MET: variants seen among roughly 807,000 people sequenced by gnomAD.
MET encodes hepatocyte growth factor receptor.
In MET, 48 loss-of-function variants were observed where a neutral mutation model predicts 133.1. That is an observed-to-expected ratio of 0.36 (90% CI 0.29 to 0.46). The LOEUF is 0.46. MET is among the 20% of genes least tolerant of loss of function. The pLI is 1.00. For synonymous variants in MET, 628 were observed against 616.5 expected (o/e 1.02, Z -0.28); for missense variants, 1,442 against 1,695.9 (o/e 0.85, Z 2.63).
chr7:116,718,596 C>A (rs1428744596), intron 2 of MET, among the ~76,000 whole-genome samples: 2 of 149,342 alleles, frequency 1.3e-5, no homozygotes, highest in Non-Finnish European at 3.0e-5. Context: ...CACCCACTAA[C>A]TCATCATCTA....
intron 14 of MET, among the ~76,000 whole-genome samples, chr7:116,773,426 A>T (rs1418018774): frequency 6.6e-6 from 1 of 152,212 alleles, no homozygotes; most frequent in Non-Finnish European, 1.5e-5. Flanking sequence ...TCACGTTTTC[A>T]TGCCAAAGGG....
At chr7:116,724,656 A>T (rs1454605173) in intron 2 of MET, 3 of 455,264 alleles carry the variant, frequency 6.6e-6, no homozygotes, top group Non-Finnish European at 1.3e-5. Flanking sequence ...GACTGATAAC[A>T]GTTTTTTTTA....
At chr7:116,741,217 C>A in intron 5 of MET, 192 bp downstream of exon 5, 1 of 657,122 alleles carries the variant, frequency 1.5e-6, no homozygotes, top group Non-Finnish European at 2.6e-6. Flanking sequence ...ATCCCTCGGG[C>A]AGGGAGGGGG....
intron 11 of MET, among the ~76,000 whole-genome samples, chr7:116,765,102 C>G (rs1480944800): frequency 6.6e-6 from 1 of 151,854 alleles, no homozygotes; most frequent in Non-Finnish European, 1.5e-5. Flanking sequence ...GAGTTCAAGA[C>G]CAGCCTGGCC....
intron 5 of MET, among the ~76,000 whole-genome samples, chr7:116,747,358 TG>T (rs199918721): frequency 0.011 from 1,736 of 152,240 alleles, 17 homozygotes; most frequent in Middle Eastern, 0.041. Flanking sequence ...CAAGACCCAT[TG>T]GTGTGCTGTA....
rs1446482547 is a variant in MET, at chr7:116,763,156, A to G, written c.2471A>G (p.Asp824Gly). Residue 824 changes from aspartate to glycine, a missense_variant, in exon 11 of 21, where the codon GAT (aspartate) becomes GGT (glycine). By Grantham distance (94) the Asp-to-Gly change is moderately conservative. Transcript: ENST00000397752. ...AAAACCAAAGCCTTTTTCATGTTAG[A>G]TGGGATCCTTTCCAAATACTTTGAT... ...PLKTKAFFML[D>G]GILSKYFDLI... 3.1e-6 allele frequency: 5 copies of G among 1,614,010 alleles called. No individual in the cohort carries two copies. Among genetic ancestry groups the G allele is most frequent in the Non-Finnish European group, 1.7e-6 (2 of 1,179,950 alleles).
chr7:116,772,809 T>C (rs1794875760), intron 14 of MET, among the ~76,000 whole-genome samples: 1 of 152,192 alleles, frequency 6.6e-6, no homozygotes, highest in South Asian at 2.1e-4. Context: ...ATTTTAACAT[T>C]TTCAACACTT....
intron 14 of MET, 149 bp downstream of exon 14, chr7:116,772,138 T>C (rs2117000400): frequency 1.2e-6 from 1 of 811,956 alleles, no homozygotes; most frequent in East Asian, 2.7e-5. Flanking sequence ...TGACACAAAA[T>C]TACATGGCTC....
intron 2 of MET, chr7:116,724,393 A>G (rs954244475): frequency 3.1e-5 from 10 of 320,924 alleles, no homozygotes; most frequent in South Asian, 5.6e-5. Context: ...AGATGAACCC[A>G]GTACCTCAGA....
chr7:116,759,620 C>A, intron 10 of MET, 130 bp downstream of exon 10: 1 of 1,046,024 alleles, frequency 9.6e-7, no homozygotes, highest in Non-Finnish European at 1.4e-6. Context: ...GCAGTGTAGC[C>A]AAGTAGTATT....
In MET at chr7:116,789,477, G is replaced by C. The variant is rs567246729; in HGVS notation, c.3798+6008G>C. ...TTTCAGGTTTTGACAAATGCATGCA[G>C]TTGTGTAACCACCACCCCAACAATC... On this transcript the variant is annotated intron_variant, in intron 19 of 20. Coordinates refer to ENST00000397752, the MANE Select transcript of MET (RefSeq NM_000245.4). Among the ~76,000 whole-genome samples the C allele has an allele frequency of 1.3e-4, 20 of 152,254 alleles. No individual in the cohort carries two copies. In the South Asian group the frequency reaches 3.3e-3, roughly 25 times the overall value.
chr7:116,698,725 A>G (rs1332440164), intron 1 of MET, among the ~76,000 whole-genome samples: 3 of 152,246 alleles, frequency 2.0e-5, no homozygotes, highest in Admixed American at 2.0e-4. Flanking sequence ...AAACCACGTT[A>G]AACAACCAGC....
chr7:116,702,419 C>G (rs143789230), intron 2 of MET, among the ~76,000 whole-genome samples: 308 of 152,184 alleles, frequency 2.0e-3, no homozygotes, highest in African/African-American at 6.6e-3. Context: ...CCATCCAGAC[C>G]TCAGATTGTT....
At chr7:116,719,912 G>A (rs1235254882) in intron 2 of MET, among the ~76,000 whole-genome samples, 2 of 152,108 alleles carry the variant, frequency 1.3e-5, no homozygotes, top group Non-Finnish European at 2.9e-5. Flanking sequence ...ATAGTTTGAA[G>A]TCAGGTAGCG....
At chr7:116,694,473 G>C (rs553976691) in intron 1 of MET, among the ~76,000 whole-genome samples, 12 of 152,056 alleles carry the variant, frequency 7.9e-5, no homozygotes, top group Non-Finnish European at 1.6e-4. Context: ...ACTGTGTTCT[G>C]TGAGGGTTTT....
intron 17 of MET, 79 bp downstream of exon 17, chr7:116,779,036 C>T (rs2117049511): frequency 7.1e-7 from 1 of 1,407,590 alleles, no homozygotes; most frequent in Non-Finnish European, 9.9e-7. Flanking sequence ...TGCTCTGAGT[C>T]TTTAAAAAGC....
At chr7:116,681,254 T>C (rs1162254003) in intron 1 of MET, among the ~76,000 whole-genome samples, 3 of 152,056 alleles carry the variant, frequency 2.0e-5, no homozygotes, top group South Asian at 2.1e-4. Flanking sequence ...TGTTATCTAC[T>C]CCCAGGCACT....
intron 1 of MET, among the ~76,000 whole-genome samples, chr7:116,677,987 GTCTC>G (rs1018263301): frequency 3.4e-5 from 1 of 28,994 alleles, no homozygotes; most frequent in African/African-American, 5.6e-4. Context: ...CTCTCTCTCT[GTCTC>G]TCTCTCTCTC....
At chr7:116,710,219 T>A (rs1791942923) in intron 2 of MET, among the ~76,000 whole-genome samples, 1 of 152,176 alleles carries the variant, frequency 6.6e-6, no homozygotes, top group East Asian at 1.9e-4. Flanking sequence ...AAGCACAAGA[T>A]CAATTCTGTT....
Sources: gnomAD v4.1 joint callset for allele counts (sites outside exome capture counted in the v4.1 genomes callset) on GRCh38, gnomAD v4.1.1 for gene constraint, MANE v1.5 for transcripts, NCBI Gene and HGNC (gene_info 2026-07-23, HGNC 2026-07-21) for gene names.